The following DTNBP1 variants were observed in gnomAD, a reference collection of about 807,000 sequenced individuals.
DTNBP1 encodes the protein dystrobrevin binding protein 1, also known as dysbindin.
A neutral mutation model predicts 42.8 loss-of-function variants in DTNBP1; 35 were observed. That is an observed-to-expected ratio of 0.82 (90% confidence interval 0.63 to 1.09). DTNBP1 has a LOEUF of 1.09. Ranked by LOEUF, DTNBP1 falls within the 50% of genes least tolerant of loss-of-function variation. The pLI is 0.00. For missense variants in DTNBP1, 457 were observed against 424.2 expected, an observed-to-expected ratio of 1.08 and a Z score of -0.68; for synonymous variants, 171 against 162.2, an observed-to-expected ratio of 1.05 and a Z score of -0.41.
rs16876759 is a variant in DTNBP1 at position 15,652,070 on chromosome 6, T to C, written c.110+17A>G. On this transcript the variant is annotated intron_variant, in intron 2 of 9. Coordinates refer to ENST00000344537, the MANE Select transcript of DTNBP1 (RefSeq NM_032122.5). ...AATTTAAGTCACAGTTAAGTTAAAA[T>C]CTTAGCACAAGCTTACCTGGGTTTG... 7.4e-5 allele frequency: 120 copies of C among 1,610,964 alleles called. 1 individual carries two copies. The highest frequency in any genetic ancestry group is 9.9e-5 in the Non-Finnish European group (117 of 1,177,710).
At chr6:15,581,486 T>G (rs1775833616) in intron 7 of DTNBP1, among the ~76,000 whole-genome samples, 1 of 145,528 alleles carries the variant, frequency 6.9e-6, no homozygotes, top group Admixed American at 6.8e-5. Flanking sequence ...CTGTTTTTTT[T>G]TTTTTTTTTT....
At chr6:15,585,948 G>A in intron 7 of DTNBP1, 1 of 1,351,018 alleles carries the variant, frequency 7.4e-7, no homozygotes, top group Non-Finnish European at 9.5e-7. Flanking sequence ...GGCTTAAGCA[G>A]ATATACATTG....
chr6:15,550,896 C>T (rs867788178), intron 7 of DTNBP1, among the ~76,000 whole-genome samples: 35 of 152,218 alleles, frequency 2.3e-4, no homozygotes, highest in Non-Finnish European at 4.3e-4. Context: ...TGAGGAAGGT[C>T]GGAGCAGGGG....
chr6:15,636,829 C>T (rs921308890), intron 4 of DTNBP1, among the ~76,000 whole-genome samples: 9 of 152,232 alleles, frequency 5.9e-5, no homozygotes, highest in South Asian at 4.1e-4. Flanking sequence ...GTTCCCTGTT[C>T]TGTTTTGTTG....
intron 1 of DTNBP1, among the ~76,000 whole-genome samples, chr6:15,657,130 GGAAA>G (rs1213500459): frequency 1.3e-5 from 2 of 152,154 alleles, no homozygotes; most frequent in Non-Finnish European, 2.9e-5. Flanking sequence ...CACAGACTCA[GGAAA>G]GAAAGATGAA....
intron 6 of DTNBP1, among the ~76,000 whole-genome samples, chr6:15,598,626 C>G (rs965750006): frequency 7.0e-6 from 1 of 142,158 alleles, no homozygotes; most frequent in Non-Finnish European, 1.5e-5. Flanking sequence ...TCATCACCAA[C>G]AAGTCAGAGG....
intron 7 of DTNBP1, among the ~76,000 whole-genome samples, chr6:15,541,597 T>C (rs961096518): frequency 7.2e-5 from 11 of 152,146 alleles, no homozygotes; most frequent in Admixed American, 7.2e-4. Flanking sequence ...TTTAATTCCA[T>C]TATCACCTCA....
At chr6:15,525,856 G>T (rs1241062007) in intron 8 of DTNBP1, among the ~76,000 whole-genome samples, 2 of 152,188 alleles carry the variant, frequency 1.3e-5, no homozygotes, top group African/African-American at 2.4e-5. Context: ...AGAAGCTGAT[G>T]AGTTTCCCAA....
intron 1 of DTNBP1, chr6:15,660,415 CG>C (rs769616410): frequency 1.6e-6 from 2 of 1,289,694 alleles, no homozygotes; most frequent in South Asian, 2.5e-5. Flanking sequence ...ACTAGAGGTC[CG>C]GGTCTACTGG....
chr6:15,592,496 C>T (rs931684974), intron 7 of DTNBP1, among the ~76,000 whole-genome samples: 1 of 152,184 alleles, frequency 6.6e-6, no homozygotes. Flanking sequence ...TATTCTCTAG[C>T]GTCCCTCCTT....
intron 4 of DTNBP1, among the ~76,000 whole-genome samples, chr6:15,631,156 T>C (rs1170829792): frequency 1.3e-5 from 2 of 152,174 alleles, no homozygotes; most frequent in Non-Finnish European, 2.9e-5. Flanking sequence ...ATTTACAAAA[T>C]GACAAGTTTA....
intron 7 of DTNBP1, among the ~76,000 whole-genome samples, chr6:15,579,281 AGC>A (rs1275906340): frequency 6.6e-6 from 1 of 152,242 alleles, no homozygotes; most frequent in Non-Finnish European, 1.5e-5. Context: ...AAGTGAAACA[AGC>A]CAGGCATAGA....
chr6:15,594,657 C>G (rs1265068926), intron 6 of DTNBP1, among the ~76,000 whole-genome samples: 1 of 152,032 alleles, frequency 6.6e-6, no homozygotes, highest in African/African-American at 2.4e-5. Context: ...AAGAGAATCT[C>G]AAAAAGATAT....
chr6:15,647,115 C>G (rs1760729753), intron 3 of DTNBP1, among the ~76,000 whole-genome samples: 1 of 151,912 alleles, frequency 6.6e-6, no homozygotes, highest in African/African-American at 2.4e-5. Context: ...CATCAAAAGA[C>G]TAATATCCAG....
At chr6:15,638,873 T>C (rs1486858570) in intron 3 of DTNBP1, among the ~76,000 whole-genome samples, 1 of 151,252 alleles carries the variant, frequency 6.6e-6, no homozygotes, top group Non-Finnish European at 1.5e-5. Flanking sequence ...GGTCTCACTC[T>C]GTCACGCGGG....
In DTNBP1 at chr6:15,584,957, A is replaced by T. The variant is rs1025375726; in HGVS notation, c.511+8102T>A. On this transcript the variant is annotated intron_variant, in intron 7 of 9. Transcript: ENST00000344537. Reference sequence around the variant, plus strand: ...AGTTCCACAACTTCAATATCCTTATATATGTATTTATATATATATATAAAT... The same window carrying T: ...AGTTCCACAACTTCAATATCCTTATTTATGTATTTATATATATATATAAAT... Among the ~76,000 whole-genome samples the T allele has an allele frequency of 1.8e-4, 26 of 147,798 alleles. 1 individual carries two copies.
chr6:15,552,580 G>C (rs1303537768), intron 7 of DTNBP1, among the ~76,000 whole-genome samples: 1 of 152,102 alleles, frequency 6.6e-6, no homozygotes, highest in Non-Finnish European at 1.5e-5. Flanking sequence ...TTGAGGCCAG[G>C]GGTTCAAGAC....
intron 6 of DTNBP1, among the ~76,000 whole-genome samples, chr6:15,608,986 G>A: frequency 6.6e-6 from 1 of 151,998 alleles, no homozygotes; most frequent in East Asian, 1.9e-4. Context: ...ACTTCCTTAT[G>A]TTATTTCCTC....
At chr6:15,530,019 C>T (rs575479136) in intron 8 of DTNBP1, among the ~76,000 whole-genome samples, 1 of 152,394 alleles carries the variant, frequency 6.6e-6, no homozygotes, top group East Asian at 1.9e-4. Flanking sequence ...TGTGCCTTCA[C>T]CCCTTCCTCT....
Sources: gnomAD v4.1 joint callset for allele counts (sites outside exome capture counted in the v4.1 genomes callset) on GRCh38, gnomAD v4.1.1 for gene constraint, MANE v1.5 for transcripts, NCBI Gene and HGNC (gene_info 2026-07-23, HGNC 2026-07-21) for gene names.